Variants in FBXL17 observed in about 807,000 individuals in gnomAD.
FBXL17 encodes the protein F-box/LRR-repeat protein 17.
FBXL17 carries 22 observed loss-of-function variants against 66.2 expected under a neutral mutation model. The observed-to-expected ratio is 0.33, with a 90% CI of 0.24 to 0.47. The LOEUF is 0.47. FBXL17 is among the 20% of genes least tolerant of loss of function. FBXL17 has a pLI of 1.00. For synonymous variants in FBXL17, 474 were observed against 400.5 expected, an observed-to-expected ratio of 1.18 and a Z score of -2.19; for missense variants, 878 against 948.2, an observed-to-expected ratio of 0.93 and a Z score of 0.97.
intron 6 of FBXL17, among the ~76,000 whole-genome samples, chr5:108,110,555 T>C (rs1343625793): frequency 6.6e-6 from 1 of 152,202 alleles, no homozygotes; most frequent in Non-Finnish European, 1.5e-5. Flanking sequence ...AGTAGTTTCC[T>C]ATTTAGAACC....
chr5:108,333,743 C>T (rs752326958), intron 4 of FBXL17, among the ~76,000 whole-genome samples: 5 of 152,120 alleles, frequency 3.3e-5, no homozygotes, highest in Non-Finnish European at 5.9e-5. Context: ...AAGAACCATA[C>T]ATACAAAAAC....
intron 7 of FBXL17, among the ~76,000 whole-genome samples, chr5:107,992,091 TGTG>T (rs2112694805): frequency 2.5e-5 from 1 of 40,268 alleles, no homozygotes; most frequent in Admixed American, 1.6e-4. Context: ...ATATTAATTG[TGTG>T]TGTGTGTGTG....
At chr5:108,263,128 C>T (rs1191075089) in intron 4 of FBXL17, among the ~76,000 whole-genome samples, 1 of 152,110 alleles carries the variant, frequency 6.6e-6, no homozygotes, top group Non-Finnish European at 1.5e-5. Flanking sequence ...ACACCAACTC[C>T]CCATCTGATT....
At position 107,880,027 on chromosome 5, in the gene FBXL17, AAAG is replaced by A. The variant is rs1748733466; in HGVS notation, c.1965+1007_1965+1009del. On this transcript the variant is annotated intron_variant, in intron 8 of 8. Transcript: ENST00000542267. ...GTTATAGGTAAAACATGGAATAAAC[AAAG>A]AAGAAAACACCTGTGGAGTGCCTGG... The A allele has an allele frequency of 7.3e-6, 4 of 544,874 alleles. No individual in the cohort carries two copies. In the South Asian group the frequency reaches 2.4e-4, roughly 33 times the overall value. 33.8% of individuals were successfully genotyped at this position (544,874 alleles called of 1,614,324 possible). A position where few individuals can be genotyped will look rare whatever the true frequency, so the allele number is the denominator to read the frequency against.
intron 6 of FBXL17, 72 bp from the exon 7 acceptor site, chr5:108,021,073 A>G (rs1754580713): frequency 9.2e-7 from 1 of 1,083,358 alleles, no homozygotes; most frequent in African/African-American, 1.5e-5. Flanking sequence ...TATAATAGGA[A>G]GAGGTCAGTA....
intron 7 of FBXL17, among the ~76,000 whole-genome samples, chr5:107,940,242 TATTCATTCATTC>T (rs72049876): frequency 1.2e-4 from 18 of 150,956 alleles, no homozygotes; most frequent in Non-Finnish European, 2.9e-5. Flanking sequence ...GAATAAATTT[TATTCATTCATTC>T]ATTCATTCAT....
chr5:108,252,912 T>C (rs1756418015), intron 4 of FBXL17, among the ~76,000 whole-genome samples: 1 of 152,194 alleles, frequency 6.6e-6, no homozygotes, highest in African/African-American at 2.4e-5. Flanking sequence ...ATGAATCAGT[T>C]ACACCTATAC....
intron 7 of FBXL17, among the ~76,000 whole-genome samples, chr5:107,929,245 G>A (rs1213484841): frequency 2.0e-5 from 3 of 152,122 alleles, no homozygotes; most frequent in African/African-American, 7.2e-5. Context: ...TGGGATGGAG[G>A]ATATGGAGCC....
At position 108,325,975 on chromosome 5, in the gene FBXL17, C is replaced by A. The variant is rs552665689; in HGVS notation, c.1506+22424G>T. On this transcript the variant is annotated intron_variant, in intron 4 of 8. Transcript: ENST00000542267. ...ACCATGTGCCCAACACTCTTCTAGA[C>A]AGAGGACATAGAAAGGAACAAGGAA... Among the ~76,000 whole-genome samples, 437 of 152,276 alleles carry A rather than the reference C, an allele frequency of 2.9e-3. 3 individuals are homozygous for A. The highest frequency in any genetic ancestry group is 3.7e-3 in the Non-Finnish European group (253 of 68,018).
In FBXL17 at chr5:107,892,532, G is replaced by C. The variant is rs115224225; in HGVS notation, c.1823-11353C>G. Among the ~76,000 whole-genome samples, 94 of 152,196 alleles carry C rather than the reference G, an allele frequency of 6.2e-4. 1 individual carries two copies. The East Asian group carries it at 0.01, about 17-fold the overall frequency. On this transcript the variant is annotated intron_variant, in intron 7 of 8. Coordinates refer to ENST00000542267, the MANE Select transcript of FBXL17 (RefSeq NM_001163315.3). ...AAAACATTTTTAAAAGGCTTCTACT[G>C]AATAGATCACTTAATTTTCCCAGAG...
At chr5:108,140,690 C>T (rs1395131717) in intron 6 of FBXL17, among the ~76,000 whole-genome samples, 1 of 152,152 alleles carries the variant, frequency 6.6e-6, no homozygotes, top group Non-Finnish European at 1.5e-5. Context: ...GAATGCCTGG[C>T]TCAGATTTCT....
At chr5:108,348,744 C>T (rs1862196) in intron 3 of FBXL17, among the ~76,000 whole-genome samples, 127,349 of 152,204 alleles carry the variant, frequency 0.84, 53,462 homozygotes, top group African/African-American at 0.89. Context: ...AACCAACTCA[C>T]ATTACAAGCC....
intron 7 of FBXL17, among the ~76,000 whole-genome samples, chr5:107,913,106 G>A (rs1219019825): frequency 6.6e-6 from 1 of 151,792 alleles, no homozygotes; most frequent in Non-Finnish European, 1.5e-5. Flanking sequence ...TACACAATAG[G>A]CTCACAATAC....
intron 6 of FBXL17, among the ~76,000 whole-genome samples, chr5:108,054,425 T>C (rs557303199): frequency 9.9e-5 from 15 of 152,088 alleles, no homozygotes; most frequent in African/African-American, 3.1e-4. Context: ...AGGCTCCTTA[T>C]AGAGCCTGAC....
rs540692439 is a variant in FBXL17 at position 108,216,766 on chromosome 5, A to C, written c.1614+7355T>G. 4.6e-5 allele frequency among the ~76,000 whole-genome samples: 7 copies of C among 152,212 alleles called. No individual in the cohort carries two copies. The South Asian group carries it at 8.3e-4, about 18-fold the overall frequency. Reference sequence around the variant, plus strand: ...AACATAAAAAGCAGCCTGAGAAAAAATTCAAGCGGCAGGTACCAATAAGGG... The same window carrying C: ...AACATAAAAAGCAGCCTGAGAAAAACTTCAAGCGGCAGGTACCAATAAGGG... On this transcript the variant is annotated intron_variant, in intron 5 of 8. Coordinates refer to ENST00000542267, the MANE Select transcript of FBXL17 (RefSeq NM_001163315.3).
At chr5:108,216,384 A>C (rs990660533) in intron 5 of FBXL17, among the ~76,000 whole-genome samples, 2 of 152,074 alleles carry the variant, frequency 1.3e-5, no homozygotes, top group African/African-American at 4.8e-5. Flanking sequence ...TGTGGGTTTC[A>C]GTGATCCTTG....
chr5:107,911,678 C>T (rs370810355), intron 7 of FBXL17, among the ~76,000 whole-genome samples: 144 of 152,072 alleles, frequency 9.5e-4, no homozygotes, highest in African/African-American at 3.4e-3. Flanking sequence ...ACCTAAAGCA[C>T]ATAAAGGAAT....
chr5:108,323,169 C>G (rs539014395), intron 4 of FBXL17, among the ~76,000 whole-genome samples: 5 of 151,886 alleles, frequency 3.3e-5, no homozygotes, highest in African/African-American at 1.2e-4. Flanking sequence ...AAAATTATCT[C>G]TGTTCACAGA....
At chr5:108,371,472 C>T (rs979869449) in intron 1 of FBXL17, among the ~76,000 whole-genome samples, 2 of 152,032 alleles carry the variant, frequency 1.3e-5, no homozygotes, top group African/African-American at 4.8e-5. Flanking sequence ...CAATAAAACA[C>T]GATTTACAAA....
Sources: gnomAD v4.1 joint callset for allele counts (sites outside exome capture counted in the v4.1 genomes callset) on GRCh38, gnomAD v4.1.1 for gene constraint, MANE v1.5 for transcripts, NCBI Gene and HGNC (gene_info 2026-07-23, HGNC 2026-07-21) for gene names.